The following CACNA2D3 variants were observed in gnomAD, a reference collection of about 807,000 sequenced individuals.
CACNA2D3 encodes the protein calcium voltage-gated channel auxiliary subunit alpha2delta 3.
CACNA2D3 carries 60 observed loss-of-function variants against 160.6 expected under a neutral mutation model. The ratio of observed to expected loss-of-function variants is 0.37; its 90% CI spans 0.30 to 0.46. The LOEUF (loss-of-function observed/expected upper bound fraction) is 0.46, where lower values mean the gene tolerates loss of function less well. Ranked by LOEUF, CACNA2D3 falls within the 20% of genes least tolerant of loss-of-function variation. CACNA2D3 has a pLI of 1.00. For missense variants in CACNA2D3, 1,205 were observed against 1,365.0 expected (o/e 0.88, Z 1.85); for synonymous variants, 558 against 492.9 (o/e 1.13, Z -1.75).
intron 4 of CACNA2D3, among the ~76,000 whole-genome samples, chr3:54,471,190 C>T (rs1316003666): frequency 6.6e-6 from 1 of 151,420 alleles, no homozygotes; most frequent in Non-Finnish European, 1.5e-5. Context: ...TGCAAAAGAA[C>T]AGAAATCAGT....
chr3:54,697,783 C>T (rs1357127797), intron 11 of CACNA2D3, among the ~76,000 whole-genome samples: 1 of 152,202 alleles, frequency 6.6e-6, no homozygotes, highest in Non-Finnish European at 1.5e-5. Flanking sequence ...GATGCTAAAG[C>T]TACTGCTGGG....
intron 2 of CACNA2D3, among the ~76,000 whole-genome samples, chr3:54,157,241 A>G (rs1418518978): frequency 1.3e-5 from 2 of 152,188 alleles, no homozygotes; most frequent in Non-Finnish European, 2.9e-5. Context: ...CAGATAGCTT[A>G]AGGCCCCAAC....
At chr3:54,943,365 T>C (rs1701526410) in intron 27 of CACNA2D3, among the ~76,000 whole-genome samples, 1 of 152,202 alleles carries the variant, frequency 6.6e-6, no homozygotes, top group African/African-American at 2.4e-5. Context: ...TGCCGTTTTT[T>C]AGTTAATTTT....
intron 2 of CACNA2D3, among the ~76,000 whole-genome samples, chr3:54,243,257 C>A (rs893846182): frequency 6.6e-6 from 1 of 152,192 alleles, no homozygotes; most frequent in Non-Finnish European, 1.5e-5. Context: ...CCCGCGATTG[C>A]GTGGGCTGTC....
intron 9 of CACNA2D3, among the ~76,000 whole-genome samples, chr3:54,586,222 C>T (rs1702757759): frequency 7.0e-6 from 1 of 142,210 alleles, no homozygotes; most frequent in South Asian, 2.3e-4. Flanking sequence ...CGAGATTGCA[C>T]CACTGCACTC....
At chr3:54,500,756 A>T (rs1184106117) in intron 4 of CACNA2D3, among the ~76,000 whole-genome samples, 2 of 152,028 alleles carry the variant, frequency 1.3e-5, no homozygotes, top group Non-Finnish European at 2.9e-5. Context: ...AGTTTGCTGT[A>T]TGCATTTACA....
chr3:54,987,637 G>A, intron 30 of CACNA2D3, 46 bp from the exon 31 acceptor site: 1 of 1,239,844 alleles, frequency 8.1e-7, no homozygotes, highest in East Asian at 2.4e-5. Context: ...CTCCTGTTTG[G>A]GCACATTATT....
chr3:54,188,514 C>A (rs1188355562), intron 2 of CACNA2D3, among the ~76,000 whole-genome samples: 1 of 152,204 alleles, frequency 6.6e-6, no homozygotes, highest in African/African-American at 2.4e-5. Context: ...TAGGCTACGA[C>A]ACCTCTTGAC....
intron 2 of CACNA2D3, among the ~76,000 whole-genome samples, chr3:54,254,305 C>T (rs75479668): frequency 0.17 from 25,510 of 152,054 alleles, 2,279 homozygotes; most frequent in Middle Eastern, 0.23. Flanking sequence ...GGTTCATTAT[C>T]TTACAATCCA....
intron 2 of CACNA2D3, among the ~76,000 whole-genome samples, chr3:54,143,561 G>A (rs771769732): frequency 5.3e-5 from 8 of 152,116 alleles, no homozygotes; most frequent in Admixed American, 6.5e-5. Context: ...GTGCAGTGGC[G>A]TAATCTCAGC....
At chr3:54,250,497 G>C (rs1333722117) in intron 2 of CACNA2D3, among the ~76,000 whole-genome samples, 1 of 152,106 alleles carries the variant, frequency 6.6e-6, no homozygotes, top group Non-Finnish European at 1.5e-5. Context: ...GCGGTGATAT[G>C]ATTATAGCTC....
At position 54,784,399 on chromosome 3, in the gene CACNA2D3, T is replaced by C. The variant is rs1210384622; in HGVS notation, c.1380+20048T>C. Among the ~76,000 whole-genome samples, 7 of 152,046 alleles carry C rather than the reference T, an allele frequency of 4.6e-5. No individual in the cohort carries two copies. The East Asian group carries it at 1.3e-3, about 29-fold the overall frequency. ...GTCTGAACTTTTGTACCCAGACTACTCTAGATGGGGGCCGGAAGGAGAAGC... is the reference window on the plus strand; with the variant it reads ...GTCTGAACTTTTGTACCCAGACTACCCTAGATGGGGGCCGGAAGGAGAAGC... On this transcript the variant is annotated intron_variant, in intron 13 of 37. Transcript: ENST00000474759.
chr3:54,148,516 G>C (rs1256639977), intron 2 of CACNA2D3, among the ~76,000 whole-genome samples: 2 of 152,206 alleles, frequency 1.3e-5, no homozygotes, highest in African/African-American at 2.4e-5. Flanking sequence ...GGGGTTTGCA[G>C]GGTCAGAGTC....
intron 2 of CACNA2D3, among the ~76,000 whole-genome samples, chr3:54,298,029 C>G (rs1361954955): frequency 1.3e-5 from 2 of 152,174 alleles, no homozygotes; most frequent in African/African-American, 2.4e-5. Flanking sequence ...TTAAAACATG[C>G]CAAACTCTAG....
chr3:54,173,154 G>A (rs1412269991), intron 2 of CACNA2D3, among the ~76,000 whole-genome samples: 5 of 152,196 alleles, frequency 3.3e-5, no homozygotes, highest in Admixed American at 3.3e-4. Context: ...CAATATGAAA[G>A]CTCCATGAAG....
At chr3:54,831,263 A>G (rs758776525) in intron 14 of CACNA2D3, among the ~76,000 whole-genome samples, 1 of 152,182 alleles carries the variant, frequency 6.6e-6, no homozygotes, top group African/African-American at 2.4e-5. Context: ...GCAGTCCTCA[A>G]ATGGGCTGCC....
intron 11 of CACNA2D3, among the ~76,000 whole-genome samples, chr3:54,707,613 A>C (rs1437761453): frequency 6.6e-6 from 1 of 152,174 alleles, no homozygotes. Flanking sequence ...TTGTAGTCCC[A>C]GTATCAGAGT....
At chr3:54,452,070 G>A (rs1700316602) in intron 4 of CACNA2D3, among the ~76,000 whole-genome samples, 1 of 152,132 alleles carries the variant, frequency 6.6e-6, no homozygotes, top group African/African-American at 2.4e-5. Context: ...GCGACATTCT[G>A]TTCATGAAAA....
At chr3:54,332,928 AGGCTTTGAAATCGGGAGTCCT>A (rs1010579038) in intron 3 of CACNA2D3, among the ~76,000 whole-genome samples, 3 of 152,150 alleles carry the variant, frequency 2.0e-5, no homozygotes, top group African/African-American at 7.2e-5. Context: ...GGAGACAGGA[AGGCTTTGAAATCGGGAGTCCT>A]GGCCGTGCCA....
Sources: gnomAD v4.1 joint callset for allele counts (sites outside exome capture counted in the v4.1 genomes callset) on GRCh38, gnomAD v4.1.1 for gene constraint, MANE v1.5 for transcripts, NCBI Gene and HGNC (gene_info 2026-07-23, HGNC 2026-07-21) for gene names.